BAAT: variants seen among roughly 807,000 people sequenced by gnomAD.
BAAT encodes bile acid-CoA:amino acid N-acyltransferase, also known as bile acid CoA: amino acid N-acyltransferase (glycine N-choloyltransferase).
Under a neutral mutation model 18.9 loss-of-function variants are expected in BAAT, and 13 were observed. The observed-to-expected ratio is 0.69, with a 90% CI of 0.45 to 1.10. The LOEUF (loss-of-function observed/expected upper bound fraction) is 1.10. Ranked by LOEUF, BAAT falls within the 50% of genes least tolerant of loss-of-function variation. The probability of loss-of-function intolerance (pLI) is 0.00; values close to 1 mark genes in which losing one functional copy is unlikely to be tolerated. For missense variants in BAAT, 489 were observed against 504.0 expected (o/e 0.97, Z 0.28); for synonymous variants, 170 against 190.7 (o/e 0.89, Z 0.89).
intron 3 of BAAT, among the ~76,000 whole-genome samples, chr9:101,363,370 A>C (rs55899105): frequency 0.16 from 23,692 of 152,076 alleles, 2,021 homozygotes; most frequent in African/African-American, 0.2. Context: ...CTTCAGAGGA[A>C]AGGGCACCTT....
intron 1 of BAAT, 78 bp from the exon 2 acceptor site, chr9:101,371,541 A>T (rs1043886749): frequency 2.0e-5 from 18 of 888,962 alleles, no homozygotes; most frequent in Non-Finnish European, 3.0e-5. Flanking sequence ...ATCAGCAGTC[A>T]GACCACTTAG....
Position 101,370,838 on chromosome 9 carries a change from A to G in BAAT, c.466+101T>C, listed in dbSNP as rs1829923281. 3 of 1,302,380 alleles carry G rather than the reference A, an allele frequency of 2.3e-6. No individual in the cohort carries two copies. In the African/African-American group the frequency reaches 4.4e-5, roughly 19 times the overall value. The allele number at this position is 1,302,380 out of a possible 1,614,324, so 80.7% of individuals were successfully genotyped here. On this transcript the variant is annotated intron_variant, in intron 2 of 3. Transcript: ENST00000259407. ...AGGTGGAAAAACAATAATAACAATA[A>G]CCAGAGTAATTCTACAAGCTATTCA...
At position 101,360,807 on chromosome 9, in the gene BAAT, A is replaced by G. The variant is rs1336282246; in HGVS notation, c.*1621T>C. The G allele has an allele frequency of 1.3e-5, 2 of 155,508 alleles. No individual in the cohort carries two copies. Among genetic ancestry groups the G allele is most frequent in the Non-Finnish European group, 1.5e-5 (1 of 68,364 alleles). The allele number at this position is 155,508 out of a possible 1,614,324, so 9.6% of individuals were successfully genotyped here. A position where few individuals can be genotyped will look rare whatever the true frequency, so the allele number is the denominator to read the frequency against. On this transcript the variant is annotated 3_prime_UTR_variant, in exon 4 of 4. Coordinates refer to ENST00000259407, the MANE Select transcript of BAAT (RefSeq NM_001701.4). ...ACCATATCATCATCTCTAATCATGA[A>G]TAAGTTAAAATGCCATCATTGTAGC...
At chr9:101,365,075 G>C (rs560555129) in intron 3 of BAAT, among the ~76,000 whole-genome samples, 1 of 152,318 alleles carries the variant, frequency 6.6e-6, no homozygotes, top group East Asian at 1.9e-4. Context: ...TGAGTATTGA[G>C]TGTATTGCTC....
At chr9:101,367,381 T>C (rs1263716024) in intron 3 of BAAT, among the ~76,000 whole-genome samples, 1 of 152,216 alleles carries the variant, frequency 6.6e-6, no homozygotes, top group Non-Finnish European at 1.5e-5. Flanking sequence ...TAATTAGAGC[T>C]ATAAGATAAG....
In BAAT at chr9:101,362,754, A is replaced by G; in HGVS notation, c.931T>C (p.Phe311Leu). The G allele has an allele frequency of 1.2e-6, 2 of 1,614,224 alleles. No homozygotes were observed. The highest frequency in any genetic ancestry group is 1.7e-6 in the Non-Finnish European group (2 of 1,180,046). Residue 311 changes from phenylalanine (F) to leucine (L), a missense_variant, in exon 4 of 4, where the codon TTT (phenylalanine) becomes CTT (leucine). Physicochemically the swap from Phe to Leu is conservative, Grantham distance 22. Transcript: ENST00000259407. The stretch of plus-strand genomic sequence containing the variant: ...TGCCCCTGGGCCTCTTCAATAGGAA[A>G]CAAATATTGACTGGCCCCAACTTGA... ...TTQVGASQYL[F>L]PIEEAQGQFL...
At position 101,370,954 on chromosome 9, in the gene BAAT, G is replaced by C. The variant is rs1283133606; in HGVS notation, c.451C>G (p.Leu151Val). The C allele has an allele frequency of 6.2e-7, 1 of 1,614,112 alleles. No individual in the cohort carries two copies. The highest frequency in any genetic ancestry group is 8.5e-7 in the Non-Finnish European group (1 of 1,179,988). ...KVREGRLRGA[L>V]FLPPGEGLFP... ...TTCTACTCACCTGGAGGGAGAAAGAGAGCTCCTCGAAGGCGGCCTTCTCGA... is the reference window on the plus strand; with the variant it reads ...TTCTACTCACCTGGAGGGAGAAAGACAGCTCCTCGAAGGCGGCCTTCTCGA... The change falls in exon 2 of 4, where the codon CTC (leucine) becomes GTC (valine). Residue 151 changes from leucine to valine, a missense_variant. By Grantham distance (32) the Leu-to-Val change is conservative (BLOSUM62 1). Coordinates refer to ENST00000259407, the MANE Select transcript of BAAT (RefSeq NM_001701.4).
intron 1 of BAAT, among the ~76,000 whole-genome samples, chr9:101,376,812 CAAAT>C (rs1241950070): frequency 6.6e-6 from 1 of 152,118 alleles, no homozygotes; most frequent in Non-Finnish European, 1.5e-5. Flanking sequence ...GATATAGATA[CAAAT>C]AAATAGATCT....
intron 2 of BAAT, among the ~76,000 whole-genome samples, chr9:101,370,320 CTTTTTTT>C (rs749077224): frequency 4.8e-5 from 5 of 103,676 alleles, no homozygotes; most frequent in East Asian, 5.1e-4. Context: ...ATGCATTATC[CTTTTTTT>C]TTTTTTTTTT....
chr9:101,380,646 C>T (rs1830117204), intron 1 of BAAT, among the ~76,000 whole-genome samples: 1 of 152,192 alleles, frequency 6.6e-6, no homozygotes, highest in Non-Finnish European at 1.5e-5. Flanking sequence ...ATAGCAGCCA[C>T]AAGCTCCCAT....
rs776450474 is a variant in BAAT, at chr9:101,362,741, T to C, written c.944A>G (p.Glu315Gly). ...AATGAAGAGGAATTGCCCCTGGGCC[T>C]CTTCAATAGGAAACAAATATTGACT... ...GASQYLFPIE[E>G]AQGQFLFIVG... Residue 315 changes from glutamate to glycine, a missense_variant, in exon 4 of 4, where the codon GAG (glutamate) becomes GGG (glycine). Coordinates refer to ENST00000259407, the MANE Select transcript of BAAT (RefSeq NM_001701.4). 1 of 1,614,106 alleles carries C rather than the reference T, an allele frequency of 6.2e-7. No individual in the cohort carries two copies.
At chr9:101,363,803 A>C (rs2119015591) in intron 3 of BAAT, among the ~76,000 whole-genome samples, 1 of 152,298 alleles carries the variant, frequency 6.6e-6, no homozygotes, top group South Asian at 2.1e-4. Flanking sequence ...TCTTCGTATT[A>C]AAAAATGAAA....
intron 2 of BAAT, among the ~76,000 whole-genome samples, chr9:101,370,027 C>G (rs1387691486): frequency 6.6e-6 from 1 of 152,050 alleles, no homozygotes; most frequent in Non-Finnish European, 1.5e-5. Flanking sequence ...TTTCTTGCAT[C>G]CTCTATATTT....
intron 3 of BAAT, 84 bp downstream of exon 3, chr9:101,368,036 A>G: frequency 7.0e-7 from 1 of 1,434,010 alleles, no homozygotes; most frequent in East Asian, 2.3e-5. Context: ...TGGGTGACGG[A>G]GCAAGACCCT....
At position 101,367,990 on chromosome 9, in the gene BAAT, T is replaced by C. The variant is rs1036605753; in HGVS notation, c.669+130A>G. Reference sequence around the variant, plus strand: ...TGTAGTATCAAAAGGCACTGGCTTCTGGCCAAGTGTCAGATCATGCCACTG... The same window carrying C: ...TGTAGTATCAAAAGGCACTGGCTTCCGGCCAAGTGTCAGATCATGCCACTG... On this transcript the variant is annotated intron_variant, in intron 3 of 3. Transcript: ENST00000259407. 47 of 958,570 alleles carry C rather than the reference T, an allele frequency of 4.9e-5. No homozygotes were observed. The African/African-American group carries it at 7.1e-4, about 14-fold the overall frequency. The allele number at this position is 958,570 out of a possible 1,614,324, so 59.4% of individuals were successfully genotyped here. A position where few individuals can be genotyped will look rare whatever the true frequency, so the allele number is the denominator to read the frequency against.
chr9:101,362,630 C>G lies in BAAT; in HGVS notation c.1055G>C (p.Trp352Ser), dbSNP rs755180084. Residue 352 changes from tryptophan to serine, a missense_variant, in exon 4 of 4, where the codon TGG becomes TCG. Trp to Ser is a radical substitution (Grantham distance 177, BLOSUM62 -3). Transcript: ENST00000259407. The stretch of plus-strand genomic sequence containing the variant: ...TGCCCCAGGGTAAGATAGCAGGGTC[C>G]AGTTGTTCTTCCCATGTCTCTTCAG... ...GQLKRHGKNN[W>S]TLLSYPGAGH... 14 of 1,614,092 alleles carry G rather than the reference C, an allele frequency of 8.7e-6. No homozygotes were observed. The South Asian group carries it at 1.5e-4, about 18-fold the overall frequency.
At chr9:101,366,595 G>A (rs1341224985) in intron 3 of BAAT, among the ~76,000 whole-genome samples, 1 of 152,076 alleles carries the variant, frequency 6.6e-6, no homozygotes, top group African/African-American at 2.4e-5. Flanking sequence ...AGGGGAACGA[G>A]GCAAAGACCG....
chr9:101,369,104 T>C (rs1365416857), intron 2 of BAAT, among the ~76,000 whole-genome samples: 1 of 152,104 alleles, frequency 6.6e-6, no homozygotes, highest in African/African-American at 2.4e-5. Flanking sequence ...GGCAGCTTTT[T>C]TCCAAAATAA....
At chr9:101,370,519 G>A (rs1829917216) in intron 2 of BAAT, among the ~76,000 whole-genome samples, 1 of 151,956 alleles carries the variant, frequency 6.6e-6, no homozygotes, top group African/African-American at 2.4e-5. Flanking sequence ...TGGCTATGTT[G>A]CCCAGGCTGG....
Sources: gnomAD v4.1 joint callset for allele counts (sites outside exome capture counted in the v4.1 genomes callset) on GRCh38, gnomAD v4.1.1 for gene constraint, MANE v1.5 for transcripts, NCBI Gene and HGNC (gene_info 2026-07-23, HGNC 2026-07-21) for gene names.